Variants in DPYD observed in about 807,000 individuals in gnomAD.
DPYD encodes the protein dihydropyrimidine dehydrogenase.
A neutral mutation model predicts 116.2 loss-of-function variants in DPYD; 109 were observed. The ratio of observed to expected loss-of-function variants is 0.94; its 90% CI spans 0.80 to 1.10. The LOEUF (loss-of-function observed/expected upper bound fraction) is 1.10. DPYD is among the 50% of genes least tolerant of loss of function. The pLI is 0.00. For synonymous variants in DPYD, 440 were observed against 432.0 expected, an observed-to-expected ratio of 1.02 and a Z score of -0.23; for missense variants, 1,302 against 1,254.5, an observed-to-expected ratio of 1.04 and a Z score of -0.57.
At chr1:97,084,882 G>A (rs1649407489) in intron 21 of DPYD, among the ~76,000 whole-genome samples, 1 of 151,998 alleles carries the variant, frequency 6.6e-6, no homozygotes, top group Admixed American at 6.6e-5. Flanking sequence ...TGTTTCTGGA[G>A]ATCATTGAAA....
At chr1:97,691,945 T>TGAG (rs1482240444) in intron 6 of DPYD, 147 bp from the exon 7 acceptor site, 2 of 679,222 alleles carry the variant, frequency 2.9e-6, no homozygotes, top group Non-Finnish European at 5.3e-6. Context: ...AAGATATGCA[T>TGAG]GAGGACATCT....
At chr1:97,572,115 T>C (rs988296146) in intron 11 of DPYD, among the ~76,000 whole-genome samples, 3 of 151,990 alleles carry the variant, frequency 2.0e-5, no homozygotes, top group Admixed American at 6.6e-5. Flanking sequence ...AAGAAACATT[T>C]TTTTCCTTGA....
chr1:97,744,154 G>T (rs1165443525), intron 3 of DPYD, among the ~76,000 whole-genome samples: 3 of 151,822 alleles, frequency 2.0e-5, no homozygotes, highest in Admixed American at 6.6e-5. Flanking sequence ...TTACTTAAAG[G>T]CCAAAAACTA....
At chr1:97,790,056 G>T (rs550424823) in intron 3 of DPYD, among the ~76,000 whole-genome samples, 1 of 152,226 alleles carries the variant, frequency 6.6e-6, no homozygotes, top group African/African-American at 2.4e-5. Flanking sequence ...TTTGGGGAAG[G>T]AACAAGTCTA....
chr1:97,704,601 A>G (rs1435967223), intron 5 of DPYD, among the ~76,000 whole-genome samples: 1 of 150,634 alleles, frequency 6.6e-6, no homozygotes, highest in African/African-American at 2.4e-5. Flanking sequence ...ATAAAATTAC[A>G]AACAAATTAT....
chr1:97,587,827 A>C (rs889422505), intron 10 of DPYD, among the ~76,000 whole-genome samples: 6 of 150,264 alleles, frequency 4.0e-5, no homozygotes, highest in African/African-American at 1.5e-4. Context: ...CCATCTCCAA[A>C]AAAAAAAAAA....
In DPYD at chr1:97,865,608, A is replaced by C. The variant is rs557730012; in HGVS notation, c.150+17656T>G. Among the ~76,000 whole-genome samples the C allele has an allele frequency of 1.4e-4, 22 of 152,090 alleles. No homozygotes were observed. The South Asian group carries it at 4.1e-3, about 29-fold the overall frequency. ...TATAGGCAGTAAATTTTTTTCTAAA[A>C]ATAACAGTAAATGTGTGTGTTTAAC... On this transcript the variant is annotated intron_variant, in intron 2 of 22. Transcript: ENST00000370192.
Position 97,655,976 on chromosome 1 carries a change from T to C in DPYD, c.850+23119A>G, listed in dbSNP as rs1571139206. ...TTAATAATATAACTGCTAAAGAACA[T>C]CATTATTTATTACGTAGAAATAAAG... On this transcript the variant is annotated intron_variant, in intron 8 of 22. Coordinates refer to ENST00000370192, the MANE Select transcript of DPYD (RefSeq NM_000110.4). Among the ~76,000 whole-genome samples, 4 of 152,196 alleles carry C rather than the reference T, an allele frequency of 2.6e-5. No individual in the cohort carries two copies. The South Asian group carries it at 8.3e-4, about 31-fold the overall frequency.
chr1:97,485,389 A>G (rs544077191), intron 13 of DPYD, among the ~76,000 whole-genome samples: 29 of 152,198 alleles, frequency 1.9e-4, no homozygotes, highest in African/African-American at 7.0e-4. Context: ...TTTAGTAGAG[A>G]TGAGGTTTTG....
At chr1:97,316,842 T>C (rs1179302074) in intron 16 of DPYD, among the ~76,000 whole-genome samples, 1 of 151,896 alleles carries the variant, frequency 6.6e-6, no homozygotes, top group Non-Finnish European at 1.5e-5. Flanking sequence ...GACTTGTCTG[T>C]CACTTAGGGG....
chr1:97,357,321 T>C (rs889507076), intron 16 of DPYD, among the ~76,000 whole-genome samples: 10 of 152,130 alleles, frequency 6.6e-5, no homozygotes, highest in African/African-American at 2.4e-4. Context: ...TGTTTATTGA[T>C]TTTGTATGCT....
At position 97,765,929 on chromosome 1, in the gene DPYD, T is replaced by G. The variant is rs77344381; in HGVS notation, c.234-25450A>C. Among the ~76,000 whole-genome samples the G allele has an allele frequency of 6.5e-3, 994 of 152,266 alleles. 13 individuals carry two copies. The highest frequency in any genetic ancestry group is 0.022 in the African/African-American group (935 of 41,568). ...CATGTGTGCTGGAAGAATGGTGACC[T>G]GTGTTATGCAGCAGCAAATGTAAAA... On this transcript the variant is annotated intron_variant, in intron 3 of 22. Transcript: ENST00000370192.
chr1:97,582,048 G>T (rs778862222), intron 10 of DPYD, among the ~76,000 whole-genome samples: 14 of 152,158 alleles, frequency 9.2e-5, no homozygotes, highest in Non-Finnish European at 1.3e-4. Flanking sequence ...TTGGCATGGC[G>T]TATCTGTTAG....
intron 18 of DPYD, among the ~76,000 whole-genome samples, chr1:97,272,538 T>C (rs1006736291): frequency 2.0e-5 from 3 of 152,156 alleles, no homozygotes; most frequent in Admixed American, 2.0e-4. Flanking sequence ...CTTTGTTCAA[T>C]CCCTTGAGTT....
intron 5 of DPYD, among the ~76,000 whole-genome samples, chr1:97,710,267 GT>G (rs761757162): frequency 3.3e-5 from 5 of 151,800 alleles, no homozygotes; most frequent in Non-Finnish European, 5.9e-5. Context: ...CCAAAAGTAA[GT>G]TTCCTGAAAT....
intron 13 of DPYD, among the ~76,000 whole-genome samples, chr1:97,460,719 A>G (rs907973566): frequency 6.6e-6 from 1 of 152,184 alleles, no homozygotes; most frequent in African/African-American, 2.4e-5. Flanking sequence ...AATCTACATT[A>G]ACCAGTCAAG....
chr1:97,730,708 T>G (rs982116701), intron 4 of DPYD, among the ~76,000 whole-genome samples: 1 of 151,998 alleles, frequency 6.6e-6, no homozygotes, highest in Non-Finnish European at 1.5e-5. Context: ...GAGGCTTAAG[T>G]TTTTCATTTC....
At chr1:97,524,063 A>C (rs941175459) in intron 12 of DPYD, among the ~76,000 whole-genome samples, 12 of 152,132 alleles carry the variant, frequency 7.9e-5, no homozygotes, top group Non-Finnish European at 1.8e-4. Context: ...AAGATACCGC[A>C]AAGGTGTCAT....
intron 13 of DPYD, among the ~76,000 whole-genome samples, chr1:97,480,201 A>G (rs1678221979): frequency 6.6e-6 from 1 of 152,144 alleles, no homozygotes; most frequent in Non-Finnish European, 1.5e-5. Context: ...CTTTTGAACA[A>G]TCTCTGGATG....
Sources: allele counts gnomAD v4.1 joint callset (sites outside exome capture counted in the v4.1 genomes callset), GRCh38; gene constraint gnomAD v4.1.1; transcripts MANE v1.5; gene names NCBI Gene and HGNC (gene_info 2026-07-23, HGNC 2026-07-21).